GMCL1: variants seen among roughly 807,000 people sequenced by gnomAD.
GMCL1 encodes germ cell-less protein-like 1.
In GMCL1, 54 loss-of-function variants were observed where a neutral mutation model predicts 75.5. The ratio of observed to expected loss-of-function variants is 0.71; its 90% confidence interval spans 0.57 to 0.90. GMCL1 has a LOEUF of 0.90. Among genes scored for constraint, GMCL1 ranks in the 40% least tolerant of loss-of-function variants. GMCL1 has a pLI of 0.00. For synonymous variants in GMCL1, 210 were observed against 209.6 expected, an observed-to-expected ratio of 1.00 and a Z score of -0.02; for missense variants, 537 against 622.7, an observed-to-expected ratio of 0.86 and a Z score of 1.47.
intron 9 of GMCL1, among the ~76,000 whole-genome samples, chr2:69,859,273 T>C (rs1010766592): frequency 2.0e-5 from 3 of 151,722 alleles, no homozygotes; most frequent in Non-Finnish European, 4.4e-5. Flanking sequence ...TATCTCTAGA[T>C]CAATGAGTTT....
intron 13 of GMCL1, among the ~76,000 whole-genome samples, chr2:69,873,971 G>A (rs1019380372): frequency 5.9e-5 from 8 of 136,584 alleles, no homozygotes; most frequent in African/African-American, 8.4e-5. Flanking sequence ...TCACTTTGTT[G>A]TACATAGCTT....
intron 13 of GMCL1, among the ~76,000 whole-genome samples, chr2:69,875,949 C>G (rs1426966499): frequency 1.3e-5 from 2 of 152,196 alleles, no homozygotes; most frequent in Non-Finnish European, 2.9e-5. Flanking sequence ...CTCAGGCTCC[C>G]AAAGTGCTGG....
At chr2:69,831,023 A>G (rs1294725338) in intron 1 of GMCL1, among the ~76,000 whole-genome samples, 2 of 152,102 alleles carry the variant, frequency 1.3e-5, no homozygotes, top group African/African-American at 2.4e-5. Flanking sequence ...GGTTCAAGCG[A>G]TTCTTGTGCC....
At chr2:69,849,802 C>A in intron 8 of GMCL1, 60 bp downstream of exon 8, 1 of 948,772 alleles carries the variant, frequency 1.1e-6, no homozygotes, top group South Asian at 1.7e-5. Context: ...AATCAGGCCC[C>A]ATGAGAACAG....
chr2:69,870,679 A>G (rs1675958796), intron 12 of GMCL1, among the ~76,000 whole-genome samples: 1 of 152,170 alleles, frequency 6.6e-6, no homozygotes, highest in Admixed American at 6.5e-5. Flanking sequence ...AGAAAACTCA[A>G]CTCAGCTCAA....
chr2:69,867,380 A>G (rs1675851344), intron 11 of GMCL1, among the ~76,000 whole-genome samples: 2 of 151,630 alleles, frequency 1.3e-5, no homozygotes, highest in Non-Finnish European at 2.9e-5. Flanking sequence ...CATACCCTCA[A>G]TTTTTGCATT....
Position 69,861,281 on chromosome 2 carries a change from G to A in GMCL1, c.1076G>A (p.Trp359Ter). 3 of 1,591,218 alleles carry A rather than the reference G, an allele frequency of 1.9e-6. No individual in the cohort carries two copies. The highest frequency in any genetic ancestry group is 2.6e-6 in the Non-Finnish European group (3 of 1,162,656). ...IEQDAVVPSEWLSSVYKQQWF... is the reference protein window; with the variant it reads ...IEQDAVVPSE ...TTAATTTATTCTTACATTTCAGAATGGCTCTCTTCTGTGTATAAACAGCAG... is the reference window on the plus strand; with the variant it reads ...TTAATTTATTCTTACATTTCAGAATAGCTCTCTTCTGTGTATAAACAGCAG... Residue 359 changes from tryptophan (W) to a stop codon, truncating the protein, a stop_gained, in exon 10 of 14, where the codon TGG becomes TAG. Coordinates refer to ENST00000282570, the MANE Select transcript of GMCL1 (RefSeq NM_178439.5). LOFTEE classifies it high-confidence loss of function.
intron 2 of GMCL1, 35 bp downstream of exon 2, chr2:69,837,705 C>G: frequency 1.9e-6 from 3 of 1,577,388 alleles, no homozygotes; most frequent in Non-Finnish European, 2.6e-6. Flanking sequence ...ACAGGGTAGT[C>G]ACTGAAACTC....
At chr2:69,848,716 A>G (rs752716240) in intron 7 of GMCL1, among the ~76,000 whole-genome samples, 7 of 152,206 alleles carry the variant, frequency 4.6e-5, no homozygotes, top group Non-Finnish European at 7.3e-5. Flanking sequence ...GGTAAGTACT[A>G]ATACTTACAG....
intron 11 of GMCL1, among the ~76,000 whole-genome samples, chr2:69,868,665 G>A (rs565575116): frequency 1.9e-3 from 281 of 149,500 alleles, no homozygotes; most frequent in African/African-American, 6.3e-3. Flanking sequence ...CACCCGCCTC[G>A]GCCTCCCAAA....
chr2:69,851,241 A>G (rs1251965095), intron 8 of GMCL1, among the ~76,000 whole-genome samples: 2 of 152,102 alleles, frequency 1.3e-5, no homozygotes, highest in African/African-American at 2.4e-5. Context: ...GTTCAAGGAC[A>G]GCCTGGGCAA....
chr2:69,838,234 G>C (rs747982394), intron 2 of GMCL1, among the ~76,000 whole-genome samples: 10 of 150,792 alleles, frequency 6.6e-5, no homozygotes, highest in Non-Finnish European at 1.3e-4. Flanking sequence ...CTACTCAGGA[G>C]GCTGAGGCAG....
At chr2:69,859,002 C>T (rs1196995890) in intron 9 of GMCL1, among the ~76,000 whole-genome samples, 1 of 151,828 alleles carries the variant, frequency 6.6e-6, no homozygotes, top group Non-Finnish European at 1.5e-5. Flanking sequence ...AAAAATAAGC[C>T]AGGTGTGGTG....
At chr2:69,874,132 C>T (rs1341277691) in intron 13 of GMCL1, among the ~76,000 whole-genome samples, 1 of 151,722 alleles carries the variant, frequency 6.6e-6, no homozygotes, top group Non-Finnish European at 1.5e-5. Context: ...ATACATATAT[C>T]TTTGTCCATT....
intron 13 of GMCL1, among the ~76,000 whole-genome samples, chr2:69,877,102 G>T (rs969635005): frequency 2.0e-4 from 31 of 152,214 alleles, no homozygotes; most frequent in Admixed American, 6.5e-5. Context: ...CTCTGCTGCT[G>T]CTATATGTGG....
intron 1 of GMCL1, among the ~76,000 whole-genome samples, chr2:69,833,686 T>G (rs530591378): frequency 6.6e-6 from 1 of 152,252 alleles, no homozygotes; most frequent in Non-Finnish European, 1.5e-5. Flanking sequence ...GGCCCTAGTA[T>G]ATACTTCCTG....
intron 2 of GMCL1, among the ~76,000 whole-genome samples, chr2:69,838,063 T>C (rs1674870078): frequency 6.6e-6 from 1 of 152,038 alleles, no homozygotes; most frequent in African/African-American, 2.4e-5. Flanking sequence ...TCACATTGAG[T>C]GTGAATAGAA....
At chr2:69,830,751 CTTGT>C (rs1275511041) in intron 1 of GMCL1, among the ~76,000 whole-genome samples, 1 of 137,354 alleles carries the variant, frequency 7.3e-6, no homozygotes, top group Non-Finnish European at 1.5e-5. Flanking sequence ...GCTGCTGCAG[CTTGT>C]TTAACCCCTT....
intron 1 of GMCL1, among the ~76,000 whole-genome samples, chr2:69,832,177 A>G (rs1674693592): frequency 6.6e-6 from 1 of 151,954 alleles, no homozygotes; most frequent in Non-Finnish European, 1.5e-5. Context: ...CCAAGATCGC[A>G]CAACTGCACT....
Sources: allele counts gnomAD v4.1 joint callset (sites outside exome capture counted in the v4.1 genomes callset), GRCh38; gene constraint gnomAD v4.1.1; transcripts MANE v1.5; gene names NCBI Gene and HGNC (gene_info 2026-07-23, HGNC 2026-07-21).